Variants in REV1 observed in about 807,000 individuals in gnomAD.
REV1 encodes the protein translesion synthesis protein REV1.
In REV1, 42 loss-of-function variants were observed where a neutral mutation model predicts 137.4. The ratio of observed to expected loss-of-function variants is 0.31; its 90% CI spans 0.24 to 0.40. The LOEUF is 0.40. REV1 is among the 10% of genes least tolerant of loss of function. REV1 has a pLI of 1.00. For missense variants in REV1, 1,282 were observed against 1,490.1 expected (o/e 0.86, Z 2.30); for synonymous variants, 524 against 519.2 (o/e 1.01, Z -0.12).
intron 9 of REV1, 22 bp from the exon 10 acceptor site, chr2:99,424,302 A>G (rs1679059244): frequency 3.1e-6 from 5 of 1,605,868 alleles, no homozygotes; most frequent in Non-Finnish European, 2.5e-6. Context: ...ACAAAACACA[A>G]TGGAGGTTAT....
intron 4 of REV1, among the ~76,000 whole-genome samples, chr2:99,444,333 G>A (rs1387943162): frequency 1.3e-5 from 2 of 152,230 alleles, no homozygotes; most frequent in Admixed American, 1.3e-4. Flanking sequence ...TGTGCCAGCT[G>A]CACATCTCAG....
intron 1 of REV1, among the ~76,000 whole-genome samples, chr2:99,466,224 T>G (rs1684783940): frequency 6.6e-6 from 1 of 152,010 alleles, no homozygotes; most frequent in Admixed American, 6.6e-5. Flanking sequence ...GTGCTGGGAT[T>G]ACAGGCGTAA....
intron 9 of REV1, 62 bp from the exon 10 acceptor site, chr2:99,424,342 C>G (rs1051216216): frequency 3.3e-6 from 5 of 1,532,234 alleles, no homozygotes; most frequent in Non-Finnish European, 4.5e-6. Context: ...AAATATTTAT[C>G]AAATATGTTG....
intron 1 of REV1, among the ~76,000 whole-genome samples, chr2:99,470,933 C>G (rs1685340558): frequency 6.6e-6 from 1 of 152,144 alleles, no homozygotes; most frequent in Non-Finnish European, 1.5e-5. Flanking sequence ...CTTTACAGCA[C>G]CAGGGAACAA....
chr2:99,421,703 G>A, intron 10 of REV1, 50 bp from the exon 11 acceptor site: 2 of 1,573,564 alleles, frequency 1.3e-6, no homozygotes, highest in Non-Finnish European at 1.7e-6. Flanking sequence ...CCACCATCTG[G>A]TAGACCCAAT....
At chr2:99,472,565 A>G (rs1381581059) in intron 1 of REV1, among the ~76,000 whole-genome samples, 1 of 152,238 alleles carries the variant, frequency 6.6e-6, no homozygotes, top group African/African-American at 2.4e-5. Context: ...TTAAAAAAGT[A>G]GTTCTGAAGC....
chr2:99,408,217 T>C, intron 14 of REV1, 86 bp from the exon 15 acceptor site: 1 of 662,322 alleles, frequency 1.5e-6, no homozygotes, highest in Non-Finnish European at 2.4e-6. Context: ...TTAAAAGAGT[T>C]ATAGAAAAGT....
At chr2:99,429,571 A>G (rs1679844944) in intron 9 of REV1, among the ~76,000 whole-genome samples, 1 of 152,122 alleles carries the variant, frequency 6.6e-6, no homozygotes, top group Admixed American at 6.6e-5. Context: ...TCACTCTTCA[A>G]AAGACAGTAA....
intron 1 of REV1, among the ~76,000 whole-genome samples, chr2:99,471,462 A>C (rs1685403655): frequency 6.6e-6 from 1 of 152,228 alleles, no homozygotes; most frequent in Admixed American, 6.5e-5. Flanking sequence ...ATAAGAGCTA[A>C]AACTATCAAA....
intron 9 of REV1, chr2:99,424,904 T>C (rs200821323): frequency 1.0e-4 from 132 of 1,299,128 alleles, no homozygotes; most frequent in Admixed American, 2.6e-4. Flanking sequence ...AGGGACCTAA[T>C]TGAAAATGGT....
At chr2:99,474,769 G>C (rs1054603126) in intron 1 of REV1, among the ~76,000 whole-genome samples, 1 of 152,164 alleles carries the variant, frequency 6.6e-6, no homozygotes, top group Non-Finnish European at 1.5e-5. Context: ...GAGCATGGTA[G>C]CAGGAACCTG....
intron 2 of REV1, among the ~76,000 whole-genome samples, chr2:99,463,107 T>G (rs1482948212): frequency 1.3e-5 from 2 of 151,876 alleles, no homozygotes; most frequent in African/African-American, 4.8e-5. Context: ...TTATAATAAA[T>G]AAATATAAAT....
chr2:99,465,648 T>TA (rs908342799), intron 1 of REV1, among the ~76,000 whole-genome samples: 13 of 152,222 alleles, frequency 8.5e-5, no homozygotes, highest in Admixed American at 2.0e-4. Flanking sequence ...ATATAATTCA[T>TA]AAAAAGAGGC....
chr2:99,407,107 T>TTTTTTTTTTTTTTTTA (rs1676430223), intron 15 of REV1, among the ~76,000 whole-genome samples: 1 of 144,710 alleles, frequency 6.9e-6, no homozygotes, highest in Non-Finnish European at 1.5e-5. Context: ...TTTTTTTTTT[T>TTTTTTTTTTTTTTTTA]GAGACAGAGC....
intron 17 of REV1, chr2:99,405,279 G>C (rs2104377731): frequency 6.5e-6 from 1 of 153,114 alleles, no homozygotes; most frequent in South Asian, 2.1e-4. Context: ...TCAACTGGGT[G>C]GACCAATCTT....
At chr2:99,414,079 C>G (rs1335600912) in intron 12 of REV1, among the ~76,000 whole-genome samples, 2 of 152,092 alleles carry the variant, frequency 1.3e-5, no homozygotes, top group Non-Finnish European at 2.9e-5. Flanking sequence ...CCCTTGAGCC[C>G]GAGAGTTTGA....
intron 3 of REV1, among the ~76,000 whole-genome samples, chr2:99,459,758 A>C (rs1683967454): frequency 6.6e-6 from 1 of 152,162 alleles, no homozygotes. Flanking sequence ...AAAGAAGTCA[A>C]TCTTAACAAG....
intron 14 of REV1, among the ~76,000 whole-genome samples, chr2:99,408,782 T>G (rs1676695950): frequency 6.6e-6 from 1 of 152,262 alleles, no homozygotes; most frequent in African/African-American, 2.4e-5. Flanking sequence ...ACAGAATTAC[T>G]AACTCAGTAA....
chr2:99,459,608 A>G (rs2105079840), intron 3 of REV1, among the ~76,000 whole-genome samples: 1 of 152,174 alleles, frequency 6.6e-6, no homozygotes. Flanking sequence ...TGGGAGCCTG[A>G]GGAGAGAGGA....
Sources: allele counts gnomAD v4.1 joint callset (sites outside exome capture counted in the v4.1 genomes callset), GRCh38; gene constraint gnomAD v4.1.1; transcripts MANE v1.5; gene names NCBI Gene and HGNC (gene_info 2026-07-23, HGNC 2026-07-21).